The following KLHL1 variants were observed in gnomAD, a reference collection of about 807,000 sequenced individuals.
The protein encoded by KLHL1 is kelch like family member 1.
In KLHL1, 47 loss-of-function variants were observed where a neutral mutation model predicts 77.7. The observed-to-expected ratio is 0.60, with a 90% confidence interval of 0.48 to 0.77. The LOEUF is 0.77. KLHL1 is among the 30% of genes least tolerant of loss of function. The pLI is 0.00. For missense variants in KLHL1, 925 were observed against 910.8 expected (o/e 1.02, Z -0.20); for synonymous variants, 360 against 325.2 (o/e 1.11, Z -1.15).
intron 4 of KLHL1, among the ~76,000 whole-genome samples, chr13:69,893,816 T>C (rs1881526480): frequency 6.6e-6 from 1 of 152,208 alleles, no homozygotes; most frequent in East Asian, 1.9e-4. Context: ...ATTATAAATA[T>C]ACAGTTATTT....
At chr13:69,879,130 G>A (rs373938155) in intron 5 of KLHL1, among the ~76,000 whole-genome samples, 8 of 151,968 alleles carry the variant, frequency 5.3e-5, no homozygotes, top group African/African-American at 1.7e-4. Context: ...GGTGCAGCAC[G>A]CCAACATGGC....
chr13:69,726,624 T>G (rs1873308056), intron 8 of KLHL1, among the ~76,000 whole-genome samples: 1 of 152,154 alleles, frequency 6.6e-6, no homozygotes, highest in Non-Finnish European at 1.5e-5. Context: ...TACCTTTATT[T>G]ATTAAAACAT....
At chr13:69,931,128 A>T (rs1480706897) in intron 4 of KLHL1, among the ~76,000 whole-genome samples, 2 of 151,818 alleles carry the variant, frequency 1.3e-5, no homozygotes, top group Non-Finnish European at 3.0e-5. Flanking sequence ...ATAACTGCAG[A>T]GAAACTAATT....
At chr13:70,088,285 C>T (rs1443699112) in intron 1 of KLHL1, among the ~76,000 whole-genome samples, 1 of 152,060 alleles carries the variant, frequency 6.6e-6, no homozygotes, top group African/African-American at 2.4e-5. Context: ...CCATGAGTCT[C>T]AATCAACAGA....
chr13:69,952,681 G>A (rs1032118718), intron 3 of KLHL1, among the ~76,000 whole-genome samples: 1 of 151,300 alleles, frequency 6.6e-6, no homozygotes, highest in South Asian at 2.1e-4. Context: ...GTGTTTTCCT[G>A]GTTGGATTGC....
chr13:70,019,351 C>T (rs1885733162), intron 1 of KLHL1, among the ~76,000 whole-genome samples: 3 of 78,120 alleles, frequency 3.8e-5, no homozygotes, highest in African/African-American at 1.4e-4. Context: ...AATCACAGAA[C>T]TGAGTAAGCT....
chr13:70,054,899 T>C (rs979789367), intron 1 of KLHL1, among the ~76,000 whole-genome samples: 26 of 150,738 alleles, frequency 1.7e-4, no homozygotes, highest in Admixed American at 4.6e-4. Context: ...AAAAAAATAA[T>C]GAAAAAAAGG....
At chr13:70,085,235 G>GAA (rs977603549) in intron 1 of KLHL1, among the ~76,000 whole-genome samples, 7 of 152,126 alleles carry the variant, frequency 4.6e-5, no homozygotes, top group African/African-American at 1.2e-4. Flanking sequence ...GAGAGAGAGA[G>GAA]AACGGGAAGT....
chr13:69,896,899 T>C (rs930034493), intron 4 of KLHL1, among the ~76,000 whole-genome samples: 3 of 151,950 alleles, frequency 2.0e-5, no homozygotes, highest in African/African-American at 7.3e-5. Context: ...TCTCGACTCC[T>C]GACCTCATGA....
At chr13:69,867,822 A>G (rs1593902089) in intron 5 of KLHL1, among the ~76,000 whole-genome samples, 1 of 132,174 alleles carries the variant, frequency 7.6e-6, no homozygotes, top group Non-Finnish European at 1.6e-5. Flanking sequence ...TGGACACAGG[A>G]AGGGGAACAT....
At chr13:69,975,432 A>G (rs971184966) in intron 2 of KLHL1, among the ~76,000 whole-genome samples, 188 bp downstream of exon 2, 10 of 152,098 alleles carry the variant, frequency 6.6e-5, no homozygotes, top group Non-Finnish European at 1.3e-4. Flanking sequence ...GTAGCATTTC[A>G]ACTTTTCCAC....
At chr13:69,815,517 T>C (rs1359546098) in intron 6 of KLHL1, among the ~76,000 whole-genome samples, 1 of 152,004 alleles carries the variant, frequency 6.6e-6, no homozygotes, top group Non-Finnish European at 1.5e-5. Flanking sequence ...TACAAAAGGA[T>C]AGAAAAATGG....
intron 4 of KLHL1, among the ~76,000 whole-genome samples, chr13:69,889,139 T>G (rs539106473): frequency 6.6e-6 from 1 of 151,772 alleles, no homozygotes; most frequent in African/African-American, 2.4e-5. Context: ...GTATCAAGAG[T>G]TTTTAGTAAT....
At chr13:69,848,717 G>GA (rs1401205445) in intron 5 of KLHL1, among the ~76,000 whole-genome samples, 1 of 151,142 alleles carries the variant, frequency 6.6e-6, no homozygotes, top group Non-Finnish European at 1.5e-5. Context: ...GAGGAAACAA[G>GA]AAAAAAATGC....
chr13:69,762,486 T>C (rs1875076876), intron 7 of KLHL1, among the ~76,000 whole-genome samples: 1 of 151,902 alleles, frequency 6.6e-6, no homozygotes, highest in South Asian at 2.1e-4. Flanking sequence ...AAACTCTTCA[T>C]GATCTAAAAT....
intron 5 of KLHL1, among the ~76,000 whole-genome samples, chr13:69,876,893 C>T (rs759762177): frequency 4.6e-5 from 7 of 152,010 alleles, no homozygotes; most frequent in Admixed American, 6.5e-5. Context: ...CAAAATTAGC[C>T]GTGCGTGGTG....
intron 1 of KLHL1, among the ~76,000 whole-genome samples, chr13:70,056,326 C>T (rs1886743866): frequency 6.6e-6 from 1 of 152,020 alleles, no homozygotes; most frequent in South Asian, 2.1e-4. Context: ...TACTGGGACA[C>T]CCAGATAAAT....
intron 6 of KLHL1, among the ~76,000 whole-genome samples, chr13:69,827,567 A>G (rs149090603): frequency 0.014 from 2,191 of 151,792 alleles, 51 homozygotes; most frequent in African/African-American, 0.049. Flanking sequence ...CCGTCTCTAC[A>G]GAAAATACGA....
At chr13:69,883,521 T>C (rs1881080172) in intron 4 of KLHL1, among the ~76,000 whole-genome samples, 2 of 152,212 alleles carry the variant, frequency 1.3e-5, no homozygotes. Flanking sequence ...GTAGTGGGTG[T>C]ATCCCTGCCA....
Sources: allele counts gnomAD v4.1 joint callset (sites outside exome capture counted in the v4.1 genomes callset), GRCh38; gene constraint gnomAD v4.1.1; transcripts MANE v1.5; gene names NCBI Gene and HGNC (gene_info 2026-07-23, HGNC 2026-07-21).